The following PELI2 variants were observed in gnomAD, a reference collection of about 807,000 sequenced individuals.
PELI2 encodes E3 ubiquitin-protein ligase pellino homolog 2.
PELI2 carries 23 observed loss-of-function variants against 42.3 expected under a neutral mutation model. The ratio of observed to expected loss-of-function variants is 0.54; its 90% confidence interval spans 0.39 to 0.77. PELI2 has a LOEUF of 0.77. Ranked by LOEUF, PELI2 falls within the 30% of genes least tolerant of loss-of-function variation. PELI2 has a pLI of 0.00. For synonymous variants in PELI2, 245 were observed against 212.2 expected (o/e 1.15, Z -1.34); for missense variants, 463 against 553.2 (o/e 0.84, Z 1.64).
chr14:56,290,774 G>A (rs1889803112), intron 5 of PELI2, among the ~76,000 whole-genome samples: 1 of 152,260 alleles, frequency 6.6e-6, no homozygotes, highest in Admixed American at 6.5e-5. Context: ...CTTATTTTTA[G>A]TGTAAAACTT....
chr14:56,156,305 T>C (rs1483673382), intron 1 of PELI2, among the ~76,000 whole-genome samples: 1 of 152,140 alleles, frequency 6.6e-6, no homozygotes, highest in Non-Finnish European at 1.5e-5. Flanking sequence ...AAGCAAAATA[T>C]ATTTTTTGAT....
intron 1 of PELI2, among the ~76,000 whole-genome samples, chr14:56,152,249 G>A (rs1884388855): frequency 6.6e-6 from 1 of 152,162 alleles, no homozygotes; most frequent in African/African-American, 2.4e-5. Flanking sequence ...AAGGCTGTAA[G>A]ACTTTGGGAA....
chr14:56,149,993 A>G (rs1026363861), intron 1 of PELI2, among the ~76,000 whole-genome samples: 19 of 152,260 alleles, frequency 1.2e-4, no homozygotes, highest in East Asian at 9.7e-4. Flanking sequence ...GATGGGATTA[A>G]TGGTTTTTCT....
intron 1 of PELI2, among the ~76,000 whole-genome samples, chr14:56,175,852 C>A (rs920866571): frequency 1.3e-5 from 2 of 152,140 alleles, no homozygotes; most frequent in Non-Finnish European, 2.9e-5. Context: ...ACATCTGGGC[C>A]AATAGAAACC....
At chr14:56,190,159 A>G (rs1414566554) in intron 2 of PELI2, among the ~76,000 whole-genome samples, 1 of 152,238 alleles carries the variant, frequency 6.6e-6, no homozygotes, top group African/African-American at 2.4e-5. Flanking sequence ...ACTTGATTGA[A>G]ATCATGAACA....
At chr14:56,186,621 A>C (rs1029887710) in intron 2 of PELI2, among the ~76,000 whole-genome samples, 19 of 152,200 alleles carry the variant, frequency 1.2e-4, no homozygotes, top group African/African-American at 3.6e-4. Context: ...GGAAGAGATG[A>C]AAGAATTGAG....
chr14:56,234,428 A>G (rs1267331128), intron 2 of PELI2, among the ~76,000 whole-genome samples: 1 of 152,230 alleles, frequency 6.6e-6, no homozygotes, highest in African/African-American at 2.4e-5. Context: ...GCCACAAAAA[A>G]GGATGAGTTC....
intron 2 of PELI2, among the ~76,000 whole-genome samples, chr14:56,270,669 T>C (rs1296076378): frequency 6.6e-6 from 1 of 152,268 alleles, no homozygotes; most frequent in Non-Finnish European, 1.5e-5. Context: ...TACAGGTTCA[T>C]ATTTGAAGGG....
rs1889876173 is a variant in PELI2, at chr14:56,292,881, A to G, written c.696+2425A>G. On this transcript the variant is annotated intron_variant, in intron 5 of 5. Coordinates refer to ENST00000267460, the MANE Select transcript of PELI2 (RefSeq NM_021255.3). ...ATGATAACATATGGTAACATTTATA[A>G]TATTACTCCAGGAGGGCCTTGAGTA... 5 of 900,254 alleles carry G rather than the reference A, an allele frequency of 5.6e-6. No homozygotes were observed. The South Asian group carries it at 2.6e-4, about 46-fold the overall frequency. 55.8% of individuals were successfully genotyped at this position (900,254 alleles called of 1,614,324 possible).
intron 2 of PELI2, among the ~76,000 whole-genome samples, chr14:56,274,962 G>A (rs187085269): frequency 2.7e-4 from 41 of 152,300 alleles, no homozygotes; most frequent in African/African-American, 9.1e-4. Flanking sequence ...TTTGAGCTGA[G>A]AGTGTCACTA....
chr14:56,295,694 C>T (rs1192046230), intron 5 of PELI2, among the ~76,000 whole-genome samples: 3 of 152,220 alleles, frequency 2.0e-5, no homozygotes, highest in Non-Finnish European at 2.9e-5. Flanking sequence ...GAAACTGAGG[C>T]ACGAGGAGTT....
chr14:56,187,469 G>T (rs1403468596), intron 2 of PELI2, among the ~76,000 whole-genome samples: 1 of 152,142 alleles, frequency 6.6e-6, no homozygotes, highest in African/African-American at 2.4e-5. Context: ...GGTTGTAGGG[G>T]TAGTTATGAC....
intron 1 of PELI2, among the ~76,000 whole-genome samples, chr14:56,169,281 A>G (rs1406833701): frequency 6.6e-6 from 1 of 152,154 alleles, no homozygotes; most frequent in Non-Finnish European, 1.5e-5. Flanking sequence ...TAAGAGATGC[A>G]GTCCTTCTGG....
chr14:56,210,885 AAATG>A (rs1808682215), intron 2 of PELI2, among the ~76,000 whole-genome samples: 1 of 152,206 alleles, frequency 6.6e-6, no homozygotes, highest in Admixed American at 6.5e-5. Context: ...CCCTTGACAT[AAATG>A]AAAAGAGAAT....
At chr14:56,234,680 A>G (rs1887719557) in intron 2 of PELI2, among the ~76,000 whole-genome samples, 1 of 152,196 alleles carries the variant, frequency 6.6e-6, no homozygotes, top group Non-Finnish European at 1.5e-5. Context: ...CAGCACACCA[A>G]CATGGCACAT....
At chr14:56,250,517 C>G (rs1204999483) in intron 2 of PELI2, among the ~76,000 whole-genome samples, 2 of 152,198 alleles carry the variant, frequency 1.3e-5, no homozygotes, top group Non-Finnish European at 2.9e-5. Context: ...AGCCTTCAGT[C>G]TGTGACCAAA....
At chr14:56,128,914 G>T (rs1042080789) in intron 1 of PELI2, among the ~76,000 whole-genome samples, 1 of 152,002 alleles carries the variant, frequency 6.6e-6, no homozygotes, top group Non-Finnish European at 1.5e-5. Flanking sequence ...TTGTGGGGAG[G>T]GAGGGAATTC....
intron 1 of PELI2, among the ~76,000 whole-genome samples, chr14:56,124,206 T>C (rs1296041368): frequency 6.6e-6 from 1 of 152,248 alleles, no homozygotes; most frequent in Non-Finnish European, 1.5e-5. Context: ...TCACCTGTTC[T>C]CAACCACTGT....
chr14:56,255,601 T>C (rs1888500951), intron 2 of PELI2, among the ~76,000 whole-genome samples: 2 of 152,286 alleles, frequency 1.3e-5, no homozygotes, highest in Admixed American at 6.5e-5. Context: ...ACCTGCATGT[T>C]GTGCACATGT....
Sources: allele counts gnomAD v4.1 joint callset (sites outside exome capture counted in the v4.1 genomes callset), GRCh38; gene constraint gnomAD v4.1.1; transcripts MANE v1.5; gene names NCBI Gene and HGNC (gene_info 2026-07-23, HGNC 2026-07-21).